The following GABRA1 variants were observed in gnomAD, a reference collection of about 807,000 sequenced individuals.
GABRA1 encodes the protein gamma-aminobutyric acid type A receptor subunit alpha1, also known as gamma-aminobutyric acid receptor subunit alpha-1.
In GABRA1, 9 loss-of-function variants were observed where a neutral mutation model predicts 48.9. That is an observed-to-expected ratio of 0.18 (90% confidence interval 0.11 to 0.32). The LOEUF (loss-of-function observed/expected upper bound fraction) is 0.32. Ranked by LOEUF, GABRA1 falls within the 10% of genes least tolerant of loss-of-function variation. The pLI, the probability that GABRA1 is intolerant of heterozygous loss-of-function variation, is 1.00. For missense variants in GABRA1, 285 were observed against 553.8 expected (o/e 0.51, Z 4.87); for synonymous variants, 210 against 198.7 (o/e 1.06, Z -0.48).
chr5:161,884,432 T>C (rs1754750727), intron 7 of GABRA1, among the ~76,000 whole-genome samples: 1 of 152,206 alleles, frequency 6.6e-6, no homozygotes, highest in Non-Finnish European at 1.5e-5. Context: ...CATTTTTTTG[T>C]GATGGAAGAG....
chr5:161,882,222 T>C (rs533028135), intron 6 of GABRA1: 1 of 358,128 alleles, frequency 2.8e-6, no homozygotes, highest in Admixed American at 4.0e-5. Flanking sequence ...TGAAATTACA[T>C]ACGTATTTGC....
chr5:161,849,168 A>G (rs1160545475), intron 1 of GABRA1: 2 of 262,858 alleles, frequency 7.6e-6, no homozygotes. Context: ...AAGTGCCATG[A>G]TAGGTTTGTT....
intron 4 of GABRA1, chr5:161,872,174 T>C (rs1754148850): frequency 6.6e-6 from 1 of 152,636 alleles, no homozygotes; most frequent in African/African-American, 2.4e-5. Context: ...TAACGGAGAA[T>C]GTGGTAATCT....
At chr5:161,883,880 ATTTT>A (rs369516921) in intron 7 of GABRA1, among the ~76,000 whole-genome samples, 3 of 149,678 alleles carry the variant, frequency 2.0e-5, no homozygotes, top group African/African-American at 7.4e-5. Flanking sequence ...TATGTGTTTT[ATTTT>A]TTTTTTAAAA....
At chr5:161,869,819 G>A (rs1754029500) in intron 4 of GABRA1, among the ~76,000 whole-genome samples, 2 of 152,094 alleles carry the variant, frequency 1.3e-5, no homozygotes, top group Non-Finnish European at 2.9e-5. Context: ...TTATTTAGGA[G>A]AGGTTTACCT....
At chr5:161,866,151 G>C (rs1228963460) in intron 4 of GABRA1, among the ~76,000 whole-genome samples, 1 of 151,976 alleles carries the variant, frequency 6.6e-6, no homozygotes, top group Non-Finnish European at 1.5e-5. Flanking sequence ...AACCAGAACT[G>C]TTATAGAATG....
chr5:161,855,431 G>A (rs762776118), intron 3 of GABRA1, among the ~76,000 whole-genome samples: 2 of 151,496 alleles, frequency 1.3e-5, no homozygotes, highest in Non-Finnish European at 3.0e-5. Context: ...TATGTCAAAG[G>A]TCTTACCAGG....
intron 8 of GABRA1, among the ~76,000 whole-genome samples, 191 bp from the exon 9 acceptor site, chr5:161,895,475 G>A (rs909477434): frequency 2.0e-5 from 3 of 152,096 alleles, no homozygotes; most frequent in Non-Finnish European, 4.4e-5. Context: ...CCTCAATGCT[G>A]CCATTCCATG....
intron 3 of GABRA1, among the ~76,000 whole-genome samples, chr5:161,864,163 T>A (rs1757965020): frequency 6.6e-6 from 1 of 152,064 alleles, no homozygotes; most frequent in South Asian, 2.1e-4. Flanking sequence ...AATTCCTACA[T>A]CAAGGGGCTC....
intron 7 of GABRA1, among the ~76,000 whole-genome samples, chr5:161,888,262 G>A (rs75585382): frequency 7.2e-5 from 11 of 151,904 alleles, no homozygotes. Context: ...TTTTGTTTTT[G>A]TTGTGTTTTT....
In GABRA1 at chr5:161,895,957, G is replaced by A. The variant is rs1296286522; in HGVS notation, c.1059+89G>A. On this transcript the variant is annotated intron_variant, in intron 9 of 9. Coordinates refer to ENST00000393943, the MANE Select transcript of GABRA1 (RefSeq NM_001127644.2). ...ATGTTTTGGCCTGTGGTATTGGATG[G>A]AGTATGCAGAATAATAAGGATTCTT... is the stretch of plus-strand genomic sequence containing the variant. The A allele has an allele frequency of 1.1e-5, 12 of 1,048,376 alleles. No homozygotes were observed. The East Asian group carries it at 2.4e-4, about 21-fold the overall frequency. 64.9% of individuals were successfully genotyped at this position (1,048,376 alleles called of 1,614,324 possible).
chr5:161,855,035 C>A (rs1044844333), intron 3 of GABRA1, among the ~76,000 whole-genome samples: 3 of 151,448 alleles, frequency 2.0e-5, no homozygotes, highest in African/African-American at 4.8e-5. Context: ...ACAAGTGAAG[C>A]AAGGAAATAA....
intron 3 of GABRA1, among the ~76,000 whole-genome samples, chr5:161,857,816 C>T (rs758801577): frequency 1.3e-5 from 2 of 151,362 alleles, no homozygotes; most frequent in Non-Finnish European, 3.0e-5. Context: ...CATTCTTGTC[C>T]ATAATCACTT....
intron 6 of GABRA1, among the ~76,000 whole-genome samples, chr5:161,879,767 C>A (rs927666907): frequency 6.6e-6 from 1 of 152,146 alleles, no homozygotes; most frequent in Non-Finnish European, 1.5e-5. Context: ...ATGGCCTATA[C>A]ATTTTCATAT....
At chr5:161,870,336 C>A (rs536414017) in intron 4 of GABRA1, among the ~76,000 whole-genome samples, 4 of 151,886 alleles carry the variant, frequency 2.6e-5, no homozygotes, top group South Asian at 2.1e-4. Flanking sequence ...CCGAGGCGGG[C>A]GGATCACCTG....
chr5:161,876,472 G>A (rs562411213), intron 6 of GABRA1, among the ~76,000 whole-genome samples: 2 of 152,232 alleles, frequency 1.3e-5, no homozygotes, highest in South Asian at 2.1e-4. Context: ...GTTCTCACTA[G>A]ACAGGCAGTC....
chr5:161,868,629 C>A (rs1040297232), intron 4 of GABRA1, among the ~76,000 whole-genome samples: 1 of 152,080 alleles, frequency 6.6e-6, no homozygotes, highest in African/African-American at 2.4e-5. Flanking sequence ...TGCTTAATGG[C>A]CATTCTATCT....
chr5:161,849,574 A>C (rs1757357106), intron 1 of GABRA1, among the ~76,000 whole-genome samples: 1 of 152,206 alleles, frequency 6.6e-6, no homozygotes, highest in Non-Finnish European at 1.5e-5. Context: ...TTAGTGATTT[A>C]AATGATTTCC....
chr5:161,861,096 G>C (rs899949981), intron 3 of GABRA1, among the ~76,000 whole-genome samples: 1 of 151,680 alleles, frequency 6.6e-6, no homozygotes, highest in African/African-American at 2.4e-5. Context: ...AAGGCCCTAA[G>C]TATTGGCATA....
Sources: allele counts gnomAD v4.1 joint callset (sites outside exome capture counted in the v4.1 genomes callset), GRCh38; gene constraint gnomAD v4.1.1; transcripts MANE v1.5; gene names NCBI Gene and HGNC (gene_info 2026-07-23, HGNC 2026-07-21).